The following RARB variants were observed in gnomAD, a reference collection of about 807,000 sequenced individuals.
The protein encoded by RARB is HBV-activated protein.
RARB carries 17 observed loss-of-function variants against 51.9 expected under a neutral mutation model. The ratio of observed to expected loss-of-function variants is 0.33; its 90% confidence interval spans 0.22 to 0.49. The LOEUF (loss-of-function observed/expected upper bound fraction) is 0.49, where lower values mean the gene tolerates loss of function less well. Ranked by LOEUF, RARB falls within the 20% of genes least tolerant of loss-of-function variation. RARB has a pLI of 0.99. For missense variants in RARB, 369 were observed against 550.8 expected, an observed-to-expected ratio of 0.67 and a Z score of 3.30; for synonymous variants, 215 against 195.4, an observed-to-expected ratio of 1.10 and a Z score of -0.84.
intron 5 of RARB, among the ~76,000 whole-genome samples, chr3:25,218,876 T>C (rs1701888056): frequency 1.3e-5 from 2 of 152,214 alleles, no homozygotes; most frequent in African/African-American, 4.8e-5. Context: ...CAGTGGTCTT[T>C]CTGCTACCCC....
intron 2 of RARB, among the ~76,000 whole-genome samples, chr3:24,988,245 A>G (rs1387098577): frequency 6.6e-6 from 1 of 152,196 alleles, no homozygotes; most frequent in Admixed American, 6.5e-5. Flanking sequence ...ATTTGGGATA[A>G]TTGAACTTAA....
At position 24,831,822 on chromosome 3, in the gene RARB, C is replaced by T. The variant is rs563780501; in HGVS notation, c.-459+2419C>T. On this transcript the variant is annotated intron_variant, in intron 1 of 11. Transcript: ENST00000383772. ...TACGTAATTAGGAGATGGACAGACC[C>T]TAAACTTCTTTGCTAGCAAATCATA... Among the ~76,000 whole-genome samples the T allele has an allele frequency of 7.9e-5, 12 of 152,248 alleles. No homozygotes were observed. The South Asian group carries it at 2.5e-3, about 32-fold the overall frequency.
chr3:25,180,980 A>C (rs909867376), intron 5 of RARB, among the ~76,000 whole-genome samples: 7 of 152,150 alleles, frequency 4.6e-5, no homozygotes, highest in Non-Finnish European at 8.8e-5. Context: ...CAACTGGAAA[A>C]GGGAAATAGA....
At chr3:25,429,665 TAA>T (rs1203563479) in intron 1 of RARB, among the ~76,000 whole-genome samples, 1 of 150,382 alleles carries the variant, frequency 6.6e-6, no homozygotes, top group African/African-American at 2.4e-5. Context: ...TAGCCCAATT[TAA>T]AAAAAAAATA....
chr3:25,013,360 T>G (rs1466844291), intron 2 of RARB, among the ~76,000 whole-genome samples: 1 of 152,132 alleles, frequency 6.6e-6, no homozygotes, highest in Non-Finnish European at 1.5e-5. Flanking sequence ...CCATGTTCTC[T>G]TCCATCACAT....
chr3:25,297,046 A>G (rs1703931398), intron 5 of RARB, among the ~76,000 whole-genome samples: 1 of 152,164 alleles, frequency 6.6e-6, no homozygotes, highest in Admixed American at 6.5e-5. Flanking sequence ...GGATTCTACA[A>G]TGGCTAAAGA....
At chr3:24,849,320 G>T (rs111439644) in intron 1 of RARB, among the ~76,000 whole-genome samples, 1 of 152,194 alleles carries the variant, frequency 6.6e-6, no homozygotes. Flanking sequence ...GATAAGGGGG[G>T]AGCTACTGTA....
chr3:25,030,410 T>C (rs1023731854), intron 2 of RARB, among the ~76,000 whole-genome samples: 6 of 152,252 alleles, frequency 3.9e-5, no homozygotes, highest in African/African-American at 1.2e-4. Flanking sequence ...CATATCAGTA[T>C]TTAATTCCAT....
rs1205892032 is a variant in RARB at position 25,152,539 on chromosome 3, G to C, written c.-280+20331G>C. On this transcript the variant is annotated intron_variant, in intron 4 of 11. Transcript: ENST00000383772. ...TTGATATAATTAAACACTGCTCCCA[G>C]GGAAGGAAAAAAATATGTTATTCCA... is the stretch of plus-strand genomic sequence containing the variant. Among the ~76,000 whole-genome samples the C allele has an allele frequency of 3.3e-5, 5 of 151,912 alleles. No homozygotes were observed. The East Asian group carries it at 9.6e-4, about 29-fold the overall frequency.
intron 3 of RARB, among the ~76,000 whole-genome samples, chr3:25,539,453 T>C (rs145425033): frequency 1.1e-4 from 17 of 151,800 alleles, no homozygotes; most frequent in African/African-American, 3.9e-4. Flanking sequence ...CTCTAACTGT[T>C]TCAGTGGTCG....
chr3:25,258,965 C>T (rs555015079), intron 5 of RARB: 2 of 926,566 alleles, frequency 2.2e-6, no homozygotes, highest in East Asian at 2.4e-4. Context: ...CACTGGGGAC[C>T]AAACCTCAGC....
At chr3:24,849,389 A>C (rs560357124) in intron 1 of RARB, among the ~76,000 whole-genome samples, 1 of 152,356 alleles carries the variant, frequency 6.6e-6, no homozygotes, top group African/African-American at 2.4e-5. Context: ...AGAGCTTAGT[A>C]ATGGCTCTCA....
chr3:25,140,853 C>CTT (rs138760385), intron 4 of RARB, among the ~76,000 whole-genome samples: 3,953 of 152,126 alleles, frequency 0.026, 181 homozygotes, highest in African/African-American at 0.089. Context: ...TGAGGCAAGA[C>CTT]CTCCACCAAC....
At chr3:25,169,365 G>C (rs1700607021) in intron 4 of RARB, among the ~76,000 whole-genome samples, 1 of 152,196 alleles carries the variant, frequency 6.6e-6, no homozygotes, top group Admixed American at 6.5e-5. Flanking sequence ...GTCTCCAACT[G>C]TGGAATTCAT....
chr3:25,189,407 A>G (rs943507350), intron 5 of RARB, among the ~76,000 whole-genome samples: 1 of 152,060 alleles, frequency 6.6e-6, no homozygotes, highest in Non-Finnish European at 1.5e-5. Flanking sequence ...CTGAAGTAAT[A>G]CTCCCTTGAC....
intron 2 of RARB, among the ~76,000 whole-genome samples, chr3:24,950,367 C>T (rs1029797402): frequency 1.5e-4 from 23 of 152,106 alleles, no homozygotes; most frequent in African/African-American, 5.6e-4. Context: ...TTTGCAAATG[C>T]CCTAGAGATC....
intron 2 of RARB, among the ~76,000 whole-genome samples, chr3:24,867,039 G>A (rs572700041): frequency 2.6e-5 from 4 of 152,184 alleles, no homozygotes; most frequent in Admixed American, 1.3e-4. Flanking sequence ...TGCAAAAAAC[G>A]TGAAAAGGCA....
intron 5 of RARB, among the ~76,000 whole-genome samples, chr3:25,351,186 T>A (rs936886927): frequency 1.3e-5 from 2 of 152,124 alleles, no homozygotes; most frequent in Non-Finnish European, 2.9e-5. Flanking sequence ...AACCAGGTAG[T>A]TTTTCATTAT....
At chr3:25,033,148 T>G (rs1456754295) in intron 2 of RARB, among the ~76,000 whole-genome samples, 1 of 152,238 alleles carries the variant, frequency 6.6e-6, no homozygotes, top group East Asian at 1.9e-4. Context: ...TAGATCATAT[T>G]AATGATTCTA....
Sources: allele counts gnomAD v4.1 joint callset (sites outside exome capture counted in the v4.1 genomes callset), GRCh38; gene constraint gnomAD v4.1.1; transcripts MANE v1.5; gene names NCBI Gene and HGNC (gene_info 2026-07-23, HGNC 2026-07-21).